The following ITGBL1 variants were observed in gnomAD, a reference collection of about 807,000 sequenced individuals.
ITGBL1 encodes integrin beta-like protein 1.
ITGBL1 carries 51 observed loss-of-function variants against 68.5 expected under a neutral mutation model. The observed-to-expected ratio is 0.74, with a 90% CI of 0.59 to 0.94. The LOEUF (loss-of-function observed/expected upper bound fraction) is 0.94. Among genes scored for constraint, ITGBL1 ranks in the 40% least tolerant of loss-of-function variants. The pLI is 0.00. For synonymous variants in ITGBL1, 209 were observed against 227.3 expected, an observed-to-expected ratio of 0.92 and a Z score of 0.72; for missense variants, 649 against 647.4, an observed-to-expected ratio of 1.00 and a Z score of -0.03.
At chr13:101,618,848 T>G (rs1471929884) in intron 7 of ITGBL1, among the ~76,000 whole-genome samples, 1 of 152,084 alleles carries the variant, frequency 6.6e-6, no homozygotes, top group Non-Finnish European at 1.5e-5. Flanking sequence ...CTTAGCAGTT[T>G]AAGGGAGAAA....
chr13:101,657,403 C>T (rs2032959487), intron 7 of ITGBL1, among the ~76,000 whole-genome samples: 1 of 152,114 alleles, frequency 6.6e-6, no homozygotes. Flanking sequence ...CTGATGTTAA[C>T]ACATATACAG....
chr13:101,470,824 A>G (rs2048446812), intron 2 of ITGBL1, among the ~76,000 whole-genome samples: 1 of 152,212 alleles, frequency 6.6e-6, no homozygotes, highest in African/African-American at 2.4e-5. Flanking sequence ...TCTTAATTTG[A>G]AATAAGGTAA....
At chr13:101,684,077 A>AT (rs2139534279) in intron 7 of ITGBL1, among the ~76,000 whole-genome samples, 3 of 151,966 alleles carry the variant, frequency 2.0e-5, no homozygotes, top group East Asian at 3.9e-4. Flanking sequence ...AATGGTTAAT[A>AT]TTTTCTTTTT....
chr13:101,600,154 T>C (rs537914067), intron 7 of ITGBL1, among the ~76,000 whole-genome samples: 2 of 152,308 alleles, frequency 1.3e-5, no homozygotes, highest in African/African-American at 4.8e-5. Context: ...GTCCTTCACA[T>C]CCCTTGTAAG....
At chr13:101,643,630 A>T (rs2032462843) in intron 7 of ITGBL1, among the ~76,000 whole-genome samples, 1 of 152,128 alleles carries the variant, frequency 6.6e-6, no homozygotes, top group South Asian at 2.1e-4. Context: ...TCATTTTCTC[A>T]TATGTAATCT....
chr13:101,583,402 C>T (rs2050497385), intron 6 of ITGBL1, 46 bp downstream of exon 6: 22 of 1,268,034 alleles, frequency 1.7e-5, no homozygotes, highest in South Asian at 6.7e-5. Flanking sequence ...GGAGGTGGGG[C>T]TTGTTAATGG....
intron 2 of ITGBL1, among the ~76,000 whole-genome samples, chr13:101,476,130 A>C (rs554138374): frequency 2.4e-4 from 37 of 152,264 alleles, no homozygotes; most frequent in Non-Finnish European, 4.1e-4. Flanking sequence ...CAAAAATAAT[A>C]ACTCCAATAA....
At chr13:101,569,051 CA>C (rs2050229018) in intron 3 of ITGBL1, among the ~76,000 whole-genome samples, 1 of 150,566 alleles carries the variant, frequency 6.6e-6, no homozygotes, top group African/African-American at 2.4e-5. Flanking sequence ...CACACACACA[CA>C]CACACACACA....
At chr13:101,507,428 C>T (rs959302262) in intron 2 of ITGBL1, among the ~76,000 whole-genome samples, 1 of 152,150 alleles carries the variant, frequency 6.6e-6, no homozygotes. Context: ...GATTTTTCTT[C>T]ACATATCATC....
intron 5 of ITGBL1, among the ~76,000 whole-genome samples, chr13:101,582,640 C>T (rs971388359): frequency 6.6e-5 from 10 of 152,096 alleles, no homozygotes; most frequent in African/African-American, 2.4e-4. Flanking sequence ...TAACATGCAC[C>T]TCAGGGTCCC....
intron 8 of ITGBL1, among the ~76,000 whole-genome samples, chr13:101,701,686 C>T (rs775775133): frequency 2.6e-5 from 4 of 152,074 alleles, no homozygotes; most frequent in Admixed American, 6.6e-5. Context: ...AAAATTGTCT[C>T]ATACTACAAC....
chr13:101,494,707 T>C (rs2048830640), intron 2 of ITGBL1, among the ~76,000 whole-genome samples: 1 of 152,174 alleles, frequency 6.6e-6, no homozygotes, highest in South Asian at 2.1e-4. Context: ...GTCATTAAAA[T>C]GATGAGTATG....
At chr13:101,528,492 T>G (rs369346925) in intron 2 of ITGBL1, among the ~76,000 whole-genome samples, 2 of 151,888 alleles carry the variant, frequency 1.3e-5, no homozygotes, top group East Asian at 1.9e-4. Context: ...GCCCTTATAT[T>G]TATTAATTTA....
intron 2 of ITGBL1, among the ~76,000 whole-genome samples, chr13:101,461,062 T>C (rs1352843191): frequency 7.2e-5 from 11 of 152,172 alleles, no homozygotes; most frequent in Admixed American, 7.2e-4. Flanking sequence ...TAGAGGAACA[T>C]ATTTATAGCA....
chr13:101,714,585 C>T (rs1366224531), intron 10 of ITGBL1, 34 bp downstream of exon 10: 1 of 1,271,260 alleles, frequency 7.9e-7, no homozygotes, highest in Non-Finnish European at 1.2e-6. Flanking sequence ...TGCTCTATGC[C>T]ACAGTTTGTT....
chr13:101,687,631 C>T (rs975010464), intron 7 of ITGBL1, among the ~76,000 whole-genome samples: 2 of 151,878 alleles, frequency 1.3e-5, no homozygotes, highest in African/African-American at 2.4e-5. Context: ...AAATATAATT[C>T]ATAAAAAATG....
chr13:101,604,887 T>TATATATGTATATATATATATATAC lies in ITGBL1; in HGVS notation c.1015+6589_1015+6590insTATATGTATATATATATATATACA. ...ATATATATATATATATATATATATA[T>TATATATGTATATATATATATATAC]ACACACACACACACATATATATGTG... On this transcript the variant is annotated intron_variant, in intron 7 of 10. Transcript: ENST00000376180. 9.0e-5 allele frequency among the ~76,000 whole-genome samples: 2 copies of TATATATGTATATATATATATATAC among 22,166 alleles called. 1 individual carries two copies. The highest frequency in any genetic ancestry group is 1.6e-4 in the Non-Finnish European group (2 of 12,234). 14.5% of individuals were successfully genotyped at this position (22,166 alleles called of 152,430 possible).
At chr13:101,604,887 T>TATATATATATACACATACATACACAC in intron 7 of ITGBL1, among the ~76,000 whole-genome samples, 2 of 22,162 alleles carry the variant, frequency 9.0e-5, no homozygotes, top group African/African-American at 3.0e-4. Flanking sequence ...TATATATATA[T>TATATATATATACACATACATACACAC]ACACACACAC....
downstream of ITGBL1, chr13:101,719,006 G>T: frequency 6.6e-6 from 1 of 152,074 alleles, no homozygotes; most frequent in East Asian, 1.9e-4. Flanking sequence ...TAGCCCAGTC[G>T]CTTTCCCTTG....
Sources: allele counts gnomAD v4.1 joint callset (sites outside exome capture counted in the v4.1 genomes callset), GRCh38; gene constraint gnomAD v4.1.1; transcripts MANE v1.5; gene names NCBI Gene and HGNC (gene_info 2026-07-23, HGNC 2026-07-21).